Variants in FAM81A observed in about 807,000 individuals in gnomAD.
FAM81A encodes the protein family with sequence similarity 81 member A, also known as protein FAM81A.
Under a neutral mutation model 46.7 loss-of-function variants are expected in FAM81A, and 19 were observed. The ratio of observed to expected loss-of-function variants is 0.41; its 90% CI spans 0.28 to 0.60. The LOEUF (loss-of-function observed/expected upper bound fraction) is 0.60. Ranked by LOEUF, FAM81A falls within the 20% of genes least tolerant of loss-of-function variation. The pLI is 0.34. For synonymous variants in FAM81A, 183 were observed against 152.9 expected (o/e 1.20, Z -1.45); for missense variants, 377 against 453.5 (o/e 0.83, Z 1.53).
intron 3 of FAM81A, among the ~76,000 whole-genome samples, chr15:59,475,718 G>C (rs1244030297): frequency 1.3e-5 from 2 of 152,146 alleles, no homozygotes; most frequent in Admixed American, 6.5e-5. Context: ...GTAACTGGTA[G>C]TAACTATATA....
At chr15:59,440,032 A>G (rs62013070) in intron 1 of FAM81A, 53,021 of 151,956 alleles carry the variant, frequency 0.35, 9,955 homozygotes, top group Middle Eastern at 0.45. Context: ...AGTGTCCTCC[A>G]CCGTCTCACC....
intron 2 of FAM81A, among the ~76,000 whole-genome samples, chr15:59,427,691 C>T (rs2081201247): frequency 6.6e-6 from 1 of 152,154 alleles, no homozygotes; most frequent in Non-Finnish European, 1.5e-5. Flanking sequence ...TTTTACTTAA[C>T]ATAATGACCT....
chr15:59,452,101 G>C (rs962161512), intron 1 of FAM81A, among the ~76,000 whole-genome samples: 9 of 152,204 alleles, frequency 5.9e-5, no homozygotes, highest in Non-Finnish European at 1.3e-4. Flanking sequence ...TTGTGGATCA[G>C]CTGTTCCCAT....
At chr15:59,437,816 A>G (rs1452370134), upstream of FAM81A, among the ~76,000 whole-genome samples, 1 of 152,188 alleles carries the variant, frequency 6.6e-6, no homozygotes, top group African/African-American at 2.4e-5. Flanking sequence ...GTCAGGCACC[A>G]TTTCAACACC....
intron 3 of FAM81A, among the ~76,000 whole-genome samples, chr15:59,470,134 G>A (rs754146838): frequency 7.2e-5 from 11 of 152,104 alleles, no homozygotes; most frequent in African/African-American, 2.2e-4. Flanking sequence ...TCTGGCTGCC[G>A]TTAACACTTT....
At chr15:59,521,223 T>G in intron 8 of FAM81A, 31 bp from the exon 9 acceptor site, 1 of 1,590,102 alleles carries the variant, frequency 6.3e-7, no homozygotes, top group South Asian at 1.1e-5. Flanking sequence ...AAAAAATTGT[T>G]AACTGTTGTG....
chr15:59,436,952 T>G (rs1042159535), upstream of FAM81A, among the ~76,000 whole-genome samples: 1 of 152,192 alleles, frequency 6.6e-6, no homozygotes, highest in Non-Finnish European at 1.5e-5. Flanking sequence ...TTTTTCATCT[T>G]CACCATTGTG....
chr15:59,465,736 C>T (rs1035409063), intron 3 of FAM81A, among the ~76,000 whole-genome samples: 9 of 151,914 alleles, frequency 5.9e-5, no homozygotes, highest in Non-Finnish European at 8.8e-5. Flanking sequence ...AGGGTACATG[C>T]GCACAACGTG....
intron 2 of FAM81A, 62 bp from the exon 3 acceptor site, chr15:59,459,871 T>C: frequency 6.8e-7 from 1 of 1,479,786 alleles, no homozygotes; most frequent in Non-Finnish European, 9.0e-7. Context: ...CTGGGAAGTT[T>C]TGAATCTGGC....
At chr15:59,406,636 C>G (rs189697714) in intron 2 of FAM81A, among the ~76,000 whole-genome samples, 3 of 152,138 alleles carry the variant, frequency 2.0e-5, no homozygotes, top group Non-Finnish European at 4.4e-5. Flanking sequence ...AATGTTTCCT[C>G]ATGTCCATTT....
At chr15:59,444,746 C>T (rs8025175) in intron 1 of FAM81A, among the ~76,000 whole-genome samples, 81,791 of 152,038 alleles carry the variant, frequency 0.54, 22,650 homozygotes, top group Non-Finnish European at 0.62. Flanking sequence ...CCTCCCTCTC[C>T]CTATTGACTG....
At chr15:59,450,641 G>A (rs1360949092) in intron 1 of FAM81A, among the ~76,000 whole-genome samples, 3 of 152,066 alleles carry the variant, frequency 2.0e-5, no homozygotes. Flanking sequence ...TGGCAAATTA[G>A]ATTTATTTTA....
intron 7 of FAM81A, among the ~76,000 whole-genome samples, 168 bp from the exon 8 acceptor site, chr15:59,516,477 C>A (rs1349129458): frequency 1.3e-5 from 2 of 152,118 alleles, no homozygotes; most frequent in African/African-American, 4.8e-5. Context: ...AGCCGAAAAT[C>A]ATGGATCTGT....
intron 3 of FAM81A, among the ~76,000 whole-genome samples, chr15:59,465,916 G>A (rs1686039822): frequency 1.3e-5 from 2 of 152,056 alleles, no homozygotes; most frequent in African/African-American, 4.8e-5. Context: ...TCATTGTTCA[G>A]TTCCCACCTG....
intron 1 of FAM81A, among the ~76,000 whole-genome samples, chr15:59,398,122 C>A (rs1295350332): frequency 1.3e-5 from 2 of 152,190 alleles, no homozygotes; most frequent in Non-Finnish European, 2.9e-5. Flanking sequence ...GGTTTGACAG[C>A]ATTGCCTTTG....
At chr15:59,505,133 T>A (rs1237999760) in intron 4 of FAM81A, among the ~76,000 whole-genome samples, 1 of 152,218 alleles carries the variant, frequency 6.6e-6, no homozygotes, top group African/African-American at 2.4e-5. Context: ...TTCATGTTTT[T>A]AATCTCTGTC....
At chr15:59,475,707 T>G (rs948722822) in intron 3 of FAM81A, among the ~76,000 whole-genome samples, 1 of 152,248 alleles carries the variant, frequency 6.6e-6, no homozygotes, top group Non-Finnish European at 1.5e-5. Context: ...TTACTTTTTT[T>G]GTAACTGGTA....
intron 1 of FAM81A, 32 bp from the exon 2 acceptor site, chr15:59,458,518 G>A (rs2081510984): frequency 1.3e-6 from 2 of 1,514,246 alleles, no homozygotes; most frequent in Non-Finnish European, 1.8e-6. Flanking sequence ...GATATAAACT[G>A]TTAAATAATT....
chr15:59,398,596 CAAA>C (rs3053045), intron 1 of FAM81A, among the ~76,000 whole-genome samples: 4 of 149,722 alleles, frequency 2.7e-5, no homozygotes, highest in African/African-American at 7.4e-5. Context: ...CAGTCTCTAT[CAAA>C]AAAAGAAAAT....
Sources: gnomAD v4.1 joint callset for allele counts (sites outside exome capture counted in the v4.1 genomes callset) on GRCh38, gnomAD v4.1.1 for gene constraint, MANE v1.5 for transcripts, NCBI Gene and HGNC (gene_info 2026-07-23, HGNC 2026-07-21) for gene names.